Variants in PSG3 observed in about 807,000 individuals in gnomAD.
PSG3 encodes pregnancy specific beta-1-glycoprotein 3.
PSG3 carries 61 observed loss-of-function variants against 47.5 expected under a neutral mutation model. That is an observed-to-expected ratio of 1.28 (90% confidence interval 1.05 to 1.59). PSG3 has a LOEUF of 1.59. PSG3 is among the 40% of genes most tolerant of loss of function. The pLI is 0.00. For missense variants in PSG3, 756 were observed against 524.0 expected (o/e 1.44, Z -4.32); for synonymous variants, 263 against 198.4 (o/e 1.33, Z -2.74).
In PSG3 at chr19:42,729,375, C is replaced by T. The variant is rs1342123225; in HGVS notation, c.991G>A (p.Gly331Ser). 16 of 1,610,992 alleles carry T rather than the reference C, an allele frequency of 9.9e-6. No homozygotes were observed. The highest frequency in any genetic ancestry group is 1.4e-5 in the Non-Finnish European group (16 of 1,178,348). The change falls in exon 5 of 7, where the codon GGT (glycine) becomes AGT (serine). Residue 331 changes from glycine (G) to serine (S), a missense_variant and splice_region_variant. Transcript: ENST00000327495. The part of the protein sequence containing the change: ...SYPVTLNVLY[G>S]PDLPRIYPSF... ...GGGTAAATTCTGGGGAGGTCTGGAC[C>T]ATCTGGAGCAAAGAGAATAAAGCCA...
chr19:42,727,868 T>A (rs972088070), intron 5 of PSG3, among the ~76,000 whole-genome samples: 1 of 152,164 alleles, frequency 6.6e-6, no homozygotes, highest in Non-Finnish European at 1.5e-5. Flanking sequence ...TGGAAACAAC[T>A]GAAAAGTCCA....
At chr19:42,740,111 T>C (rs976932791) in intron 1 of PSG3, among the ~76,000 whole-genome samples, 12 of 151,866 alleles carry the variant, frequency 7.9e-5, no homozygotes, top group Non-Finnish European at 1.8e-4. Flanking sequence ...CACCACAATA[T>C]CTGGTTAAAT....
chr19:42,729,694 C>A (rs1969438571), intron 4 of PSG3, 84 bp downstream of exon 4: 5 of 1,573,170 alleles, frequency 3.2e-6, no homozygotes, highest in Non-Finnish European at 4.3e-6. Flanking sequence ...TATACTTGGA[C>A]CAGAGAGAGA....
At chr19:42,735,369 A>G (rs998363037) in intron 2 of PSG3, among the ~76,000 whole-genome samples, 2 of 151,202 alleles carry the variant, frequency 1.3e-5, no homozygotes, top group African/African-American at 4.9e-5. Flanking sequence ...GTCTCTAAAA[A>G]CATTTTTTTT....
chr19:42,724,633 C>G (rs769023688), intron 5 of PSG3, among the ~76,000 whole-genome samples: 3 of 152,126 alleles, frequency 2.0e-5, no homozygotes, highest in Non-Finnish European at 4.4e-5. Flanking sequence ...TTCTTTTTCA[C>G]AGGAATCAGC....
chr19:42,723,563 A>T (rs1253806412), intron 6 of PSG3, among the ~76,000 whole-genome samples: 1 of 152,244 alleles, frequency 6.6e-6, no homozygotes, highest in Non-Finnish European at 1.5e-5. Flanking sequence ...TGCAAGGAAG[A>T]TTTCAAAGTC....
At chr19:42,736,433 C>A (rs1031282082) in intron 2 of PSG3, among the ~76,000 whole-genome samples, 1 of 152,146 alleles carries the variant, frequency 6.6e-6, no homozygotes, top group Non-Finnish European at 1.5e-5. Context: ...CGCATGATTC[C>A]ATCACCAATC....
In PSG3 at chr19:42,732,979, C is replaced by A. The variant is rs749202463; in HGVS notation, c.514G>T (p.Glu172Ter). The A allele has an allele frequency of 6.2e-7, 1 of 1,614,152 alleles. No individual in the cohort carries two copies. Residue 172 changes from glutamate to a stop codon, truncating the protein, a stop_gained, in exon 3 of 7, where the codon GAG becomes TAG. Transcript: ENST00000327495. LOFTEE classifies it high-confidence loss of function. ...MEAVSLTCDP[E>*]TPDASYLWWM... ...CACAGGTAGCTTGCGTCCGGAGTCT[C>A]AGGATCACAGGTTAAGCTCACAGCC...
Position 42,737,501 on chromosome 19 carries a change from G to A in PSG3, c.430+1223C>T, listed in dbSNP as rs569138334. The stretch of plus-strand genomic sequence containing the variant: ...GGAAACACAGGATTTCAGGTTCAGT[G>A]ATGGTGGTTAAGATCTGAGGGGGAG... On this transcript the variant is annotated intron_variant, in intron 2 of 6. Coordinates refer to ENST00000327495, the MANE Select transcript of PSG3 (RefSeq NM_021016.4). Among the ~76,000 whole-genome samples the A allele has an allele frequency of 3.3e-5, 5 of 152,172 alleles. No individual in the cohort carries two copies. In the South Asian group the frequency reaches 8.3e-4, roughly 25 times the overall value.
At chr19:42,729,609 T>G (rs1969436878) in intron 4 of PSG3, among the ~76,000 whole-genome samples, 169 bp downstream of exon 4, 1 of 152,184 alleles carries the variant, frequency 6.6e-6, no homozygotes, top group Non-Finnish European at 1.5e-5. Context: ...ATATTCTTGG[T>G]TAAGGCTGTG....
At chr19:42,728,267 A>ATC (rs2122168846) in intron 5 of PSG3, among the ~76,000 whole-genome samples, 1 of 152,322 alleles carries the variant, frequency 6.6e-6, no homozygotes, top group East Asian at 1.9e-4. Flanking sequence ...AGATATATAT[A>ATC]AAGTGTCCAG....
chr19:42,736,657 T>TGG (rs1555820886), intron 2 of PSG3, among the ~76,000 whole-genome samples: 27 of 123,540 alleles, frequency 2.2e-4, no homozygotes, highest in African/African-American at 6.8e-4. Flanking sequence ...TGTGTGTGTG[T>TGG]GTGCAGGAGG....
At chr19:42,730,495 T>A (rs146006337) in intron 3 of PSG3, among the ~76,000 whole-genome samples, 2,446 of 152,258 alleles carry the variant, frequency 0.016, 32 homozygotes, top group African/African-American at 0.027. Context: ...ATTCTAGAGA[T>A]GAGTAATAAT....
At chr19:42,729,727 G>A (rs763678084) in intron 4 of PSG3, 51 bp downstream of exon 4, 16 of 1,579,842 alleles carry the variant, frequency 1.0e-5, no homozygotes, top group Middle Eastern at 2.0e-4. Flanking sequence ...GCCTCTGGTC[G>A]TTTTGATTTA....
At chr19:42,730,502 T>A (rs1969456043) in intron 3 of PSG3, among the ~76,000 whole-genome samples, 2 of 152,298 alleles carry the variant, frequency 1.3e-5, no homozygotes, top group South Asian at 2.1e-4. Context: ...AGATGAGTAA[T>A]AATGGGACTT....
chr19:42,726,064 A>G (rs1157643008), intron 5 of PSG3, among the ~76,000 whole-genome samples: 1 of 152,176 alleles, frequency 6.6e-6, no homozygotes, highest in African/African-American at 2.4e-5. Flanking sequence ...ATAATCAGTA[A>G]TAAGATTGAA....
intron 2 of PSG3, among the ~76,000 whole-genome samples, chr19:42,737,563 A>T (rs1437931413): frequency 6.6e-6 from 1 of 152,136 alleles, no homozygotes; most frequent in African/African-American, 2.4e-5. Context: ...CTGACGGTTG[A>T]GGTAGGTGAT....
Position 42,724,121 on chromosome 19 carries a change from T to C in PSG3, c.1244-96A>G, listed in dbSNP as rs1969338441. On this transcript the variant is annotated intron_variant, in intron 5 of 6. Transcript: ENST00000327495. ...GCATGTAACATGAGGTACTCTATAATTGTTTCTTCAAGGACTACGTTATTT... is the reference window on the plus strand; with the variant it reads ...GCATGTAACATGAGGTACTCTATAACTGTTTCTTCAAGGACTACGTTATTT... 1.5e-5 allele frequency: 22 copies of C among 1,475,552 alleles called. No homozygotes were observed. In the South Asian group the frequency reaches 2.5e-4, roughly 17 times the overall value. The allele number at this position is 1,475,552 out of a possible 1,614,324, so 91.4% of individuals were successfully genotyped here.
chr19:42,735,001 A>C (rs1168643972), intron 2 of PSG3, among the ~76,000 whole-genome samples: 1 of 152,224 alleles, frequency 6.6e-6, no homozygotes, highest in African/African-American at 2.4e-5. Flanking sequence ...CCCCACACGC[A>C]GAACTCCAAC....
Sources: gnomAD v4.1 joint callset for allele counts (sites outside exome capture counted in the v4.1 genomes callset) on GRCh38, gnomAD v4.1.1 for gene constraint, MANE v1.5 for transcripts, NCBI Gene and HGNC (gene_info 2026-07-23, HGNC 2026-07-21) for gene names.